Variants in GNAQ observed in about 807,000 individuals in gnomAD.
The protein encoded by GNAQ is G protein subunit alpha q, also known as guanine nucleotide-binding protein G(q) subunit alpha.
Under a neutral mutation model 43.9 loss-of-function variants are expected in GNAQ, and 8 were observed. The ratio of observed to expected loss-of-function variants is 0.18; its 90% CI spans 0.11 to 0.33. GNAQ has a LOEUF of 0.33. Ranked by LOEUF, GNAQ falls within the 10% of genes least tolerant of loss-of-function variation. GNAQ has a pLI of 1.00. For missense variants in GNAQ, 158 were observed against 450.8 expected, an observed-to-expected ratio of 0.35 and a Z score of 5.88; for synonymous variants, 155 against 170.7, an observed-to-expected ratio of 0.91 and a Z score of 0.71.
At chr9:77,827,581 C>T (rs1254981781) in intron 2 of GNAQ, among the ~76,000 whole-genome samples, 2 of 152,000 alleles carry the variant, frequency 1.3e-5, no homozygotes, top group Middle Eastern at 6.8e-3. Context: ...GATCTTCACT[C>T]GGAGGAACCT....
intron 5 of GNAQ, among the ~76,000 whole-genome samples, chr9:77,771,360 TC>T (rs1312094325): frequency 6.6e-6 from 1 of 152,194 alleles, no homozygotes; most frequent in Non-Finnish European, 1.5e-5. Context: ...AGGCAGGAAA[TC>T]AGCTGCTAAT....
At chr9:77,991,942 C>G (rs536349386) in intron 1 of GNAQ, among the ~76,000 whole-genome samples, 1 of 152,164 alleles carries the variant, frequency 6.6e-6, no homozygotes, top group African/African-American at 2.4e-5. Flanking sequence ...TGTATATATG[C>G]CACATTTTCT....
chr9:77,804,699 T>A (rs894549307), intron 3 of GNAQ, among the ~76,000 whole-genome samples: 1 of 152,086 alleles, frequency 6.6e-6, no homozygotes, highest in African/African-American at 2.4e-5. Flanking sequence ...ACGGGGTGTG[T>A]GTTGGAGGTT....
chr9:77,810,011 G>T (rs1460698513), intron 3 of GNAQ, among the ~76,000 whole-genome samples: 1 of 151,990 alleles, frequency 6.6e-6, no homozygotes, highest in Non-Finnish European at 1.5e-5. Context: ...AACCTATTGG[G>T]TTTGTTTTCC....
At chr9:77,947,385 C>T (rs1822917886) in intron 1 of GNAQ, among the ~76,000 whole-genome samples, 1 of 152,164 alleles carries the variant, frequency 6.6e-6, no homozygotes, top group South Asian at 2.1e-4. Context: ...CAAAACACCA[C>T]AAGCATGACT....
At chr9:77,822,001 C>T (rs1314659272) in intron 2 of GNAQ, among the ~76,000 whole-genome samples, 1 of 152,014 alleles carries the variant, frequency 6.6e-6, no homozygotes, top group East Asian at 1.9e-4. Context: ...AGGTATTTGA[C>T]AAATGGATTC....
At chr9:77,729,308 A>G (rs1825448767) in intron 5 of GNAQ, among the ~76,000 whole-genome samples, 1 of 152,186 alleles carries the variant, frequency 6.6e-6, no homozygotes, top group Admixed American at 6.5e-5. Context: ...GAAGACACAC[A>G]TAGTAATTAT....
intron 1 of GNAQ, among the ~76,000 whole-genome samples, chr9:78,002,073 G>A (rs1202605804): frequency 6.6e-6 from 1 of 152,168 alleles, no homozygotes; most frequent in African/African-American, 2.4e-5. Context: ...AAACCTTGAT[G>A]CCATTTTTCT....
chr9:78,028,080 G>A (rs1274957846), intron 1 of GNAQ, among the ~76,000 whole-genome samples: 1 of 152,036 alleles, frequency 6.6e-6, no homozygotes, highest in Non-Finnish European at 1.5e-5. Flanking sequence ...ATCAATTAAA[G>A]AAAATATGTG....
chr9:77,922,462 G>T, intron 1 of GNAQ, 117 bp from the exon 2 acceptor site: 2 of 693,754 alleles, frequency 2.9e-6, no homozygotes, highest in South Asian at 3.8e-5. Flanking sequence ...TGAGAGGAGC[G>T]ACTCTAGAAT....
At chr9:77,798,589 C>T (rs531146476) in intron 3 of GNAQ, among the ~76,000 whole-genome samples, 1 of 152,268 alleles carries the variant, frequency 6.6e-6, no homozygotes, top group African/African-American at 2.4e-5. Flanking sequence ...GATCCAGGAC[C>T]TCCTGCACAT....
At chr9:77,817,421 G>A (rs1178118039) in intron 2 of GNAQ, among the ~76,000 whole-genome samples, 1 of 141,918 alleles carries the variant, frequency 7.0e-6, no homozygotes, top group Non-Finnish European at 1.6e-5. Context: ...AAGAAGGAAG[G>A]AAGGGAAGGA....
chr9:77,992,030 C>G (rs1271799428), intron 1 of GNAQ, among the ~76,000 whole-genome samples: 1 of 152,210 alleles, frequency 6.6e-6, no homozygotes. Flanking sequence ...TATAAGCATG[C>G]ATGTACATGC....
intron 1 of GNAQ, among the ~76,000 whole-genome samples, chr9:78,022,053 T>C (rs1020565406): frequency 1.6e-4 from 25 of 152,336 alleles, no homozygotes; most frequent in Admixed American, 1.4e-3. Context: ...AGGGGAGCTC[T>C]GGACAGACTT....
chr9:77,813,319 G>A (rs978944687), intron 3 of GNAQ, among the ~76,000 whole-genome samples: 4 of 152,216 alleles, frequency 2.6e-5, no homozygotes, highest in Admixed American at 1.3e-4. Flanking sequence ...ATCAGCCTGT[G>A]CTAGAGGGCC....
At chr9:77,818,679 T>C (rs2118518929) in intron 2 of GNAQ, among the ~76,000 whole-genome samples, 1 of 152,286 alleles carries the variant, frequency 6.6e-6, no homozygotes, top group East Asian at 1.9e-4. Context: ...ACAGACTATC[T>C]TGTTTATTTT....
intron 1 of GNAQ, among the ~76,000 whole-genome samples, chr9:78,005,693 G>A (rs894662956): frequency 3.3e-5 from 5 of 152,118 alleles, no homozygotes; most frequent in Admixed American, 3.3e-4. Context: ...CATGGGTCAA[G>A]GTTGCAGTGC....
chr9:77,814,148 G>C (rs756575421), intron 3 of GNAQ, among the ~76,000 whole-genome samples: 5 of 152,066 alleles, frequency 3.3e-5, no homozygotes, highest in Non-Finnish European at 7.4e-5. Flanking sequence ...AAAAAAGACA[G>C]CTGGTCAAAG....
At chr9:77,945,434 T>C (rs1822876320) in intron 1 of GNAQ, among the ~76,000 whole-genome samples, 2 of 152,250 alleles carry the variant, frequency 1.3e-5, no homozygotes, top group South Asian at 4.1e-4. Context: ...GTCTGGGTTA[T>C]GATTACATGC....
Sources: allele counts gnomAD v4.1 joint callset (sites outside exome capture counted in the v4.1 genomes callset), GRCh38; gene constraint gnomAD v4.1.1; transcripts MANE v1.5; gene names NCBI Gene and HGNC (gene_info 2026-07-23, HGNC 2026-07-21).